Variants in KDM7A observed in about 807,000 individuals in gnomAD.
The protein encoded by KDM7A is lysine demethylase 7A.
Under a neutral mutation model 114.8 loss-of-function variants are expected in KDM7A, and 28 were observed. The ratio of observed to expected loss-of-function variants is 0.24; its 90% CI spans 0.18 to 0.33. The LOEUF (loss-of-function observed/expected upper bound fraction) is 0.33, where lower values mean the gene tolerates loss of function less well. KDM7A is among the 10% of genes least tolerant of loss of function. The pLI is 1.00. For synonymous variants in KDM7A, 423 were observed against 397.8 expected (o/e 1.06, Z -0.75); for missense variants, 942 against 1,142.5 (o/e 0.82, Z 2.53).
At chr7:140,143,453 C>T (rs1794307658) in intron 1 of KDM7A, among the ~76,000 whole-genome samples, 1 of 152,096 alleles carries the variant, frequency 6.6e-6, no homozygotes, top group Non-Finnish European at 1.5e-5. Context: ...GTTTTAGACA[C>T]ATTTCCTCTA....
intron 9 of KDM7A, among the ~76,000 whole-genome samples, chr7:140,115,865 AAAAT>A (rs377283759): frequency 0.26 from 36,692 of 142,320 alleles, 4,874 homozygotes; most frequent in Middle Eastern, 0.28. Context: ...GTAAAAAAAA[AAAAT>A]AAATGTCATA....
intron 1 of KDM7A, among the ~76,000 whole-genome samples, chr7:140,166,910 A>T (rs1284425139): frequency 6.6e-6 from 1 of 152,198 alleles, no homozygotes; most frequent in African/African-American, 2.4e-5. Flanking sequence ...TTTTTTCAGC[A>T]AAGTAGTAGA....
chr7:140,114,339 C>T (rs1380369986), intron 9 of KDM7A, among the ~76,000 whole-genome samples: 4 of 150,830 alleles, frequency 2.7e-5, no homozygotes, highest in East Asian at 2.0e-4. Context: ...GATTGGTTTT[C>T]GTATTTTTTT....
chr7:140,144,673 C>G (rs572177861), intron 1 of KDM7A, among the ~76,000 whole-genome samples: 5 of 151,676 alleles, frequency 3.3e-5, no homozygotes, highest in Non-Finnish European at 5.9e-5. Context: ...GTTCAGAGTC[C>G]AAATCCACCT....
At chr7:140,175,652 TCA>T (rs1562963703) in intron 1 of KDM7A, among the ~76,000 whole-genome samples, 1 of 152,286 alleles carries the variant, frequency 6.6e-6, no homozygotes, top group East Asian at 1.9e-4. Flanking sequence ...TTTATTAGCC[TCA>T]CACTTTGATT....
At chr7:140,126,570 T>A in intron 6 of KDM7A, 67 bp downstream of exon 6, 1 of 877,578 alleles carries the variant, frequency 1.1e-6, no homozygotes, top group Non-Finnish European at 1.7e-6. Context: ...AAGAAATGAA[T>A]ATACCACTGA....
Position 140,176,290 on chromosome 7 carries a change from G to A in KDM7A, c.194+454C>T, listed in dbSNP as rs902633225. Among the ~76,000 whole-genome samples the A allele has an allele frequency of 1.3e-5, 2 of 148,916 alleles. No individual in the cohort carries two copies. The highest frequency in any genetic ancestry group is 6.7e-5 in the Admixed American group (1 of 14,966). On this transcript the variant is annotated intron_variant, in intron 1 of 19. Coordinates refer to ENST00000397560, the MANE Select transcript of KDM7A (RefSeq NM_030647.2). The surrounding 1 kb of genome is among the most constrained non-coding windows in gnomAD (Gnocchi z 4.4). ...ATCGCCGCCCGGAAGGAAGGCAGGC[G>A]CGTCGGCCGGCCGGGCAGAGCGGCG... is the stretch of plus-strand genomic sequence containing the variant.
intron 1 of KDM7A, among the ~76,000 whole-genome samples, chr7:140,139,653 C>T (rs1794236690): frequency 6.6e-6 from 1 of 151,798 alleles, no homozygotes; most frequent in African/African-American, 2.4e-5. Flanking sequence ...ATGTATCTAC[C>T]TCAAGAAGTT....
rs143783011 is a variant in KDM7A, at chr7:140,143,778, A to G, written c.195-4588T>C. On this transcript the variant is annotated intron_variant, in intron 1 of 19. Coordinates refer to ENST00000397560, the MANE Select transcript of KDM7A (RefSeq NM_030647.2). ...AAAAGATGTCAACAAATAACATGAC[A>G]TTGCTGCTTGAATACTGAATCCACA... is the stretch of plus-strand genomic sequence containing the variant. Among the ~76,000 whole-genome samples the G allele has an allele frequency of 3.2e-3, 487 of 152,320 alleles. 2 individuals carry two copies. The highest frequency in any genetic ancestry group is 0.011 in the African/African-American group (446 of 41,566).
intron 1 of KDM7A, among the ~76,000 whole-genome samples, chr7:140,148,756 T>C (rs1399965030): frequency 6.6e-6 from 1 of 152,222 alleles, no homozygotes; most frequent in African/African-American, 2.4e-5. Context: ...AAACTGGTAA[T>C]GTATGATTAA....
At chr7:140,173,853 T>C (rs1794672462) in intron 1 of KDM7A, among the ~76,000 whole-genome samples, 2 of 152,102 alleles carry the variant, frequency 1.3e-5, no homozygotes, top group Non-Finnish European at 2.9e-5. Flanking sequence ...AGAGTCCAAA[T>C]TACCAATACT....
intron 15 of KDM7A, 113 bp downstream of exon 15, chr7:140,097,420 TGTGCTAATGTAA>T: frequency 1.7e-6 from 1 of 581,550 alleles, no homozygotes; most frequent in South Asian, 2.1e-5. Context: ...CAGAAGACCC[TGTGCTAATGTAA>T]GTCAGACAGA....
intron 11 of KDM7A, among the ~76,000 whole-genome samples, chr7:140,107,946 T>C (rs1283046627): frequency 6.6e-6 from 1 of 152,210 alleles, no homozygotes; most frequent in African/African-American, 2.4e-5. Flanking sequence ...TATAGTCCCA[T>C]ATTTCTTGGA....
chr7:140,118,596 T>A (rs1001489018), intron 9 of KDM7A, among the ~76,000 whole-genome samples: 1 of 151,348 alleles, frequency 6.6e-6, no homozygotes, highest in Non-Finnish European at 1.5e-5. Flanking sequence ...TTTTTTTTTT[T>A]AGTAGAGACA....
intron 1 of KDM7A, among the ~76,000 whole-genome samples, chr7:140,166,610 T>A (rs557164412): frequency 4.6e-5 from 7 of 152,240 alleles, no homozygotes; most frequent in African/African-American, 1.7e-4. Context: ...AGTGCTGGGA[T>A]TATAGGCATA....
intron 1 of KDM7A, among the ~76,000 whole-genome samples, chr7:140,150,664 T>C (rs1257871237): frequency 6.6e-6 from 1 of 152,180 alleles, no homozygotes; most frequent in African/African-American, 2.4e-5. Flanking sequence ...ACTGAATGGA[T>C]ATAGAATGGA....
intron 11 of KDM7A, among the ~76,000 whole-genome samples, chr7:140,107,945 A>G (rs1324791317): frequency 2.0e-5 from 3 of 152,134 alleles, no homozygotes; most frequent in Admixed American, 1.3e-4. Flanking sequence ...ATATAGTCCC[A>G]TATTTCTTGG....
At position 140,091,733 on chromosome 7, in the gene KDM7A, C is replaced by T. The variant is rs1585134855; in HGVS notation, c.2731+71G>A. The T allele has an allele frequency of 6.6e-6, 10 of 1,522,184 alleles. No individual in the cohort carries two copies. The East Asian group carries it at 1.8e-4, about 27-fold the overall frequency. 94.3% of individuals were successfully genotyped at this position (1,522,184 alleles called of 1,614,324 possible). A position where few individuals can be genotyped will look rare whatever the true frequency, so the allele number is the denominator to read the frequency against. ...TTGAACAACTTGAGTGCAGAGACTA[C>T]ACCTCAACTGCCATGATGACCATCA... On this transcript the variant is annotated intron_variant, in intron 19 of 19. Coordinates refer to ENST00000397560, the MANE Select transcript of KDM7A (RefSeq NM_030647.2).
At chr7:140,150,099 G>C (rs1017888748) in intron 1 of KDM7A, among the ~76,000 whole-genome samples, 11 of 152,108 alleles carry the variant, frequency 7.2e-5, no homozygotes, top group African/African-American at 2.7e-4. Flanking sequence ...TAACACTAAG[G>C]AAAGGTGAAA....
Sources: gnomAD v4.1 joint callset for allele counts (sites outside exome capture counted in the v4.1 genomes callset) on GRCh38, gnomAD v4.1.1 for gene constraint, Gnocchi (gnomAD v3.1) non-coding constraint, MANE v1.5 for transcripts, NCBI Gene and HGNC (gene_info 2026-07-23, HGNC 2026-07-21) for gene names.